Variants in SLC3A1 observed in about 807,000 individuals in gnomAD.
The protein encoded by SLC3A1 is amino acid transporter heavy chain SLC3A1.
SLC3A1 carries 78 observed loss-of-function variants against 60.3 expected under a neutral mutation model. That is an observed-to-expected ratio of 1.29 (90% confidence interval 1.08 to 1.56). SLC3A1 has a LOEUF of 1.56. Ranked by LOEUF, SLC3A1 falls within the 40% of genes most tolerant of loss-of-function variation. The probability of loss-of-function intolerance (pLI) is 0.00; values close to 1 mark genes in which losing one functional copy is unlikely to be tolerated. For missense variants in SLC3A1, 1,172 were observed against 858.9 expected (o/e 1.36, Z -4.56); for synonymous variants, 392 against 307.9 (o/e 1.27, Z -2.86).
chr2:44,300,106 A>C lies in SLC3A1; in HGVS notation c.1011+16A>C. 6.2e-7 allele frequency: 1 copy of C among 1,613,454 alleles called. No homozygotes were observed. The highest frequency in any genetic ancestry group is 8.5e-7 in the Non-Finnish European group (1 of 1,179,484). On this transcript the variant is annotated intron_variant, in intron 5 of 9. Coordinates refer to ENST00000260649, the MANE Select transcript of SLC3A1 (RefSeq NM_000341.4). ...CCAAATCCCGGTAAAGTTTTATTTTAAACGTTTTTCTTTTGCCTTTTCTGA... is the reference window on the plus strand; with the variant it reads ...CCAAATCCCGGTAAAGTTTTATTTTCAACGTTTTTCTTTTGCCTTTTCTGA...
At chr2:44,317,663 GAATT>G (rs937041485) in intron 9 of SLC3A1, 1 of 151,772 alleles carries the variant, frequency 6.6e-6, no homozygotes, top group African/African-American at 2.4e-5. Flanking sequence ...AATTTTCAAA[GAATT>G]ATTTTCAAAG....
chr2:44,313,802 C>G, intron 8 of SLC3A1, 33 bp from the exon 9 acceptor site: 1 of 1,505,498 alleles, frequency 6.6e-7, no homozygotes, highest in Non-Finnish European at 9.3e-7. Flanking sequence ...AATAACCAAA[C>G]CACTGTTTTC....
intron 3 of SLC3A1, 79 bp downstream of exon 3, chr2:44,281,620 T>C: frequency 7.3e-7 from 1 of 1,363,742 alleles, no homozygotes; most frequent in Non-Finnish European, 1.0e-6. Flanking sequence ...AAAACCCTTT[T>C]GAGGGAAAAA....
At chr2:44,303,374 G>T (rs1486234697) in intron 6 of SLC3A1, among the ~76,000 whole-genome samples, 1 of 150,808 alleles carries the variant, frequency 6.6e-6, no homozygotes, top group African/African-American at 2.4e-5. Flanking sequence ...CTTCCGAGTA[G>T]CTGGGATTAC....
At chr2:44,290,482 G>C (rs1671717163) in intron 4 of SLC3A1, among the ~76,000 whole-genome samples, 1 of 152,164 alleles carries the variant, frequency 6.6e-6, no homozygotes, top group African/African-American at 2.4e-5. Flanking sequence ...CTGTGGTTTT[G>C]ATAGGGATTG....
At chr2:44,303,136 G>T (rs1394816384) in intron 6 of SLC3A1, among the ~76,000 whole-genome samples, 6 of 151,632 alleles carry the variant, frequency 4.0e-5, no homozygotes, top group Non-Finnish European at 8.8e-5. Context: ...GGGAGGTGGA[G>T]GTTGCAGTAA....
At position 44,280,827 on chromosome 2, in the gene SLC3A1, G is replaced by A. The variant is rs121912694; in HGVS notation, c.542G>A (p.Arg181Gln). Residue 181 changes from arginine (R) to glutamine (Q), a missense_variant, in exon 2 of 10, where the codon CGG (arginine) becomes CAG (glutamine). By Grantham distance (43) the Arg-to-Gln change is conservative. Coordinates refer to ENST00000260649, the MANE Select transcript of SLC3A1 (RefSeq NM_000341.4). ...KDFRYGVEDF[R>Q]EVDPIFGTME... ...TTCAGATATGGTGTTGAAGATTTCC[G>A]GGAAGTTGATCCCATTTTTGGAACG... is the stretch of plus-strand genomic sequence containing the variant. The A allele has an allele frequency of 1.1e-5, 17 of 1,613,870 alleles. No homozygotes were observed. The highest frequency in any genetic ancestry group is 2.2e-5 in the South Asian group (2 of 91,074).
chr2:44,300,193 C>A, intron 5 of SLC3A1, 103 bp downstream of exon 5: 2 of 1,209,150 alleles, frequency 1.7e-6, no homozygotes, highest in Non-Finnish European at 2.4e-6. Context: ...TGAGTTTTGT[C>A]CTGTGTCTAG....
chr2:44,300,200 C>A, intron 5 of SLC3A1, 110 bp downstream of exon 5: 1 of 1,061,684 alleles, frequency 9.4e-7, no homozygotes, highest in Non-Finnish European at 1.4e-6. Context: ...TGTCCTGTGT[C>A]TAGCAAGTAC....
intron 1 of SLC3A1, 76 bp from the exon 2 acceptor site, chr2:44,280,640 G>A: frequency 1.0e-6 from 1 of 991,472 alleles, no homozygotes; most frequent in Non-Finnish European, 1.6e-6. Flanking sequence ...TTCTATCTTA[G>A]GCATATTTGT....
chr2:44,315,659 A>AAG (rs1316205926), intron 9 of SLC3A1, among the ~76,000 whole-genome samples: 1 of 150,574 alleles, frequency 6.6e-6, no homozygotes, highest in Non-Finnish European at 1.5e-5. Context: ...GCCTCAAAAA[A>AAG]AAAAAAAAAA....
chr2:44,317,011 G>A (rs1301817100), intron 9 of SLC3A1, among the ~76,000 whole-genome samples: 1 of 152,174 alleles, frequency 6.6e-6, no homozygotes, highest in Non-Finnish European at 1.5e-5. Context: ...GATTCTATAT[G>A]GGAAATGTTA....
At chr2:44,309,190 CTG>C (rs1558467182) in intron 7 of SLC3A1, among the ~76,000 whole-genome samples, 1 of 152,200 alleles carries the variant, frequency 6.6e-6, no homozygotes, top group Non-Finnish European at 1.5e-5. Context: ...AACAGAAAAT[CTG>C]TACCCACTAA....
intron 2 of SLC3A1, 95 bp downstream of exon 2, chr2:44,280,990 A>G (rs183444960): frequency 1.8e-6 from 2 of 1,091,228 alleles, no homozygotes; most frequent in Admixed American, 3.4e-5. Context: ...CTTAACTGTC[A>G]TATACTATTT....
chr2:44,293,350 C>A (rs2104352436), intron 4 of SLC3A1, among the ~76,000 whole-genome samples: 1 of 152,154 alleles, frequency 6.6e-6, no homozygotes, highest in East Asian at 1.9e-4. Context: ...AACCCCATCT[C>A]TCCTAAAAAT....
chr2:44,281,158 G>GC (rs1044209864), intron 2 of SLC3A1, among the ~76,000 whole-genome samples: 6 of 56,290 alleles, frequency 1.1e-4, no homozygotes, highest in African/African-American at 5.2e-4. Context: ...TCCTTTCCCT[G>GC]CTTTTTTTTT....
chr2:44,287,901 T>C (rs1671654417), intron 4 of SLC3A1, among the ~76,000 whole-genome samples: 1 of 152,198 alleles, frequency 6.6e-6, no homozygotes, highest in African/African-American at 2.4e-5. Context: ...GAACCCTTGG[T>C]TTAGTTTAAT....
rs145115294 is a variant in SLC3A1 at position 44,292,805 on chromosome 2, G to A, written c.891+6648G>A. Among the ~76,000 whole-genome samples, 376 of 152,282 alleles carry A rather than the reference G, an allele frequency of 2.5e-3. 1 individual carries two copies. The highest frequency in any genetic ancestry group is 3.9e-3 in the Non-Finnish European group (268 of 68,016). On this transcript the variant is annotated intron_variant, in intron 4 of 9. Coordinates refer to ENST00000260649, the MANE Select transcript of SLC3A1 (RefSeq NM_000341.4). ...GGAGTGACCCGATGAGACTAGAGAG[G>A]TCACTGGGGGTGAGGTCAGGAGCAC... is the stretch of plus-strand genomic sequence containing the variant.
In SLC3A1 at chr2:44,321,364, T is replaced by G. The variant is rs1672922697; in HGVS notation, c.*725T>G. 1.0e-5 allele frequency: 16 copies of G among 1,605,296 alleles called. No homozygotes were observed. In the East Asian group the frequency reaches 2.7e-4, roughly 27 times the overall value. On this transcript the variant is annotated 3_prime_UTR_variant, in exon 10 of 10. Transcript: ENST00000260649. Reference sequence around the variant, plus strand: ...CAGTTGAATGCAGTGTTTCAGAATTTCAGGTATTTCTTAAGATCCTCGAAA... The same window carrying G: ...CAGTTGAATGCAGTGTTTCAGAATTGCAGGTATTTCTTAAGATCCTCGAAA...
Sources: allele counts gnomAD v4.1 joint callset (sites outside exome capture counted in the v4.1 genomes callset), GRCh38; gene constraint gnomAD v4.1.1; transcripts MANE v1.5; gene names NCBI Gene and HGNC (gene_info 2026-07-23, HGNC 2026-07-21).